ERBIN: variants seen among roughly 807,000 people sequenced by gnomAD.
The protein encoded by ERBIN is densin-180-like protein.
In ERBIN, 60 loss-of-function variants were observed where a neutral mutation model predicts 158.4. The ratio of observed to expected loss-of-function variants is 0.38; its 90% CI spans 0.31 to 0.47. The LOEUF is 0.47. Ranked by LOEUF, ERBIN falls within the 20% of genes least tolerant of loss-of-function variation. ERBIN has a pLI of 0.99. For missense variants in ERBIN, 1,610 were observed against 1,648.0 expected, an observed-to-expected ratio of 0.98 and a Z score of 0.40; for synonymous variants, 594 against 557.2, an observed-to-expected ratio of 1.07 and a Z score of -0.93.
At chr5:66,018,480 TTA>T (rs1561380285) in intron 7 of ERBIN, among the ~76,000 whole-genome samples, 1 of 5,498 alleles carries the variant, frequency 1.8e-4, no homozygotes, top group African/African-American at 8.1e-4. Context: ...ATATTATATA[TTA>T]TATATTATAT....
chr5:65,937,924 A>G (rs1284893536), intron 1 of ERBIN, among the ~76,000 whole-genome samples: 1 of 152,110 alleles, frequency 6.6e-6, no homozygotes, highest in African/African-American at 2.4e-5. Flanking sequence ...AATAATAATA[A>G]TAATTCTTGG....
At chr5:66,046,235 A>T in intron 17 of ERBIN, 118 bp from the exon 18 acceptor site, 1 of 519,436 alleles carries the variant, frequency 1.9e-6, no homozygotes, top group Non-Finnish European at 3.2e-6. Flanking sequence ...TAAAGTTTTC[A>T]TGTTTGAGAT....
At chr5:65,960,603 T>C (rs1169808351) in intron 1 of ERBIN, among the ~76,000 whole-genome samples, 2 of 152,186 alleles carry the variant, frequency 1.3e-5, no homozygotes, top group Non-Finnish European at 2.9e-5. Context: ...GAATCACTGA[T>C]TAGATGCTTT....
At chr5:65,993,296 C>A (rs1299349669) in intron 3 of ERBIN, among the ~76,000 whole-genome samples, 1 of 152,074 alleles carries the variant, frequency 6.6e-6, no homozygotes, top group East Asian at 1.9e-4. Context: ...GGCAATTGTC[C>A]TTTTACCATA....
chr5:65,929,927 A>T (rs1207217874), intron 1 of ERBIN, among the ~76,000 whole-genome samples: 2 of 152,174 alleles, frequency 1.3e-5, no homozygotes, highest in African/African-American at 4.8e-5. Flanking sequence ...GGTGTGAGCC[A>T]CTGAGCCCGG....
At chr5:66,021,511 GA>G in intron 8 of ERBIN, 126 bp downstream of exon 8, 1 of 589,750 alleles carries the variant, frequency 1.7e-6, no homozygotes, top group Admixed American at 3.9e-5. Context: ...TACAAGATAT[GA>G]AATTTCTTAG....
At chr5:65,944,450 A>T (rs142883046) in intron 1 of ERBIN, among the ~76,000 whole-genome samples, 31 of 152,024 alleles carry the variant, frequency 2.0e-4, no homozygotes, top group Non-Finnish European at 3.5e-4. Flanking sequence ...CACCCAGGCC[A>T]GAGTGCAGTG....
intron 1 of ERBIN, among the ~76,000 whole-genome samples, chr5:65,974,532 C>T: frequency 6.7e-6 from 1 of 150,318 alleles, no homozygotes; most frequent in East Asian, 1.9e-4. Flanking sequence ...ACCCTGTTAT[C>T]TTTAGGGATG....
At chr5:66,038,521 T>C in intron 15 of ERBIN, 39 bp downstream of exon 15, 2 of 1,464,752 alleles carry the variant, frequency 1.4e-6, no homozygotes, top group Non-Finnish European at 9.5e-7. Flanking sequence ...TAAAAACAAA[T>C]ACTAATTTAA....
chr5:65,978,798 A>G (rs1381795555), intron 1 of ERBIN, among the ~76,000 whole-genome samples: 1 of 152,184 alleles, frequency 6.6e-6, no homozygotes, highest in Non-Finnish European at 1.5e-5. Context: ...AAGTCGCAGG[A>G]GAGGAGAGGA....
intron 21 of ERBIN, among the ~76,000 whole-genome samples, chr5:66,060,018 G>C (rs566180805): frequency 2.4e-4 from 37 of 152,246 alleles, no homozygotes; most frequent in Admixed American, 7.9e-4. Context: ...TTGTGTCTCT[G>C]CCTGGCTTTC....
chr5:66,060,810 T>C (rs1760202573), intron 21 of ERBIN, among the ~76,000 whole-genome samples: 1 of 152,240 alleles, frequency 6.6e-6, no homozygotes, highest in Non-Finnish European at 1.5e-5. Flanking sequence ...CCAGTAGTCA[T>C]TCAGGAGCAG....
At chr5:66,028,137 C>A in intron 13 of ERBIN, 137 bp from the exon 14 acceptor site, 1 of 533,714 alleles carries the variant, frequency 1.9e-6, no homozygotes, top group Non-Finnish European at 3.3e-6. Flanking sequence ...TTATATTGGA[C>A]TTTTCTCGAT....
chr5:66,006,424 T>G (rs982212355), intron 4 of ERBIN, among the ~76,000 whole-genome samples: 1 of 152,126 alleles, frequency 6.6e-6, no homozygotes, highest in African/African-American at 2.4e-5. Flanking sequence ...ATGTTAGACC[T>G]AAAACCATAA....
chr5:66,004,680 T>C lies in ERBIN; in HGVS notation c.308-7369T>C, dbSNP rs149771734. On this transcript the variant is annotated intron_variant, in intron 4 of 25. Transcript: ENST00000284037. ...AGCCTTCCAAAGTGCTGGTATTACA[T>C]GCGTGAGCCACTGCACCCTGCCCCT... 2.3e-4 allele frequency among the ~76,000 whole-genome samples: 35 copies of C among 152,218 alleles called. 1 individual carries two copies. In the East Asian group the frequency reaches 6.8e-3, roughly 29 times the overall value.
intron 13 of ERBIN, among the ~76,000 whole-genome samples, chr5:66,027,737 TC>T (rs1001501388): frequency 5.3e-4 from 81 of 152,188 alleles, no homozygotes; most frequent in African/African-American, 1.7e-3. Flanking sequence ...GATTTTGGTA[TC>T]TGAGGGAGAT....
intron 1 of ERBIN, among the ~76,000 whole-genome samples, chr5:65,967,385 G>A (rs1748771300): frequency 6.6e-6 from 1 of 152,014 alleles, no homozygotes; most frequent in Non-Finnish European, 1.5e-5. Flanking sequence ...TTTATAATAG[G>A]TGTACTAGTT....
In ERBIN at chr5:66,034,363, C is replaced by T. The variant is rs185623015; in HGVS notation, c.1207-4020C>T. 2.1e-3 allele frequency among the ~76,000 whole-genome samples: 326 copies of T among 151,904 alleles called. 2 individuals carry two copies. Among genetic ancestry groups the T allele is most frequent in the African/African-American group, 7.7e-3 (320 of 41,428 alleles). On this transcript the variant is annotated intron_variant, in intron 14 of 25. Transcript: ENST00000284037. Reference sequence around the variant, plus strand: ...GGGGTGCAGTGGCTCCATCTTGGCTCTCTGCAACCTCTGCCTCCTGGGTCC... The same window carrying T: ...GGGGTGCAGTGGCTCCATCTTGGCTTTCTGCAACCTCTGCCTCCTGGGTCC...
intron 21 of ERBIN, among the ~76,000 whole-genome samples, chr5:66,071,955 T>C (rs1350318227): frequency 6.6e-6 from 1 of 152,162 alleles, no homozygotes; most frequent in African/African-American, 2.4e-5. Context: ...TGTTTTCATA[T>C]AAGCTTTTCA....
Sources: allele counts gnomAD v4.1 joint callset (sites outside exome capture counted in the v4.1 genomes callset), GRCh38; gene constraint gnomAD v4.1.1; transcripts MANE v1.5; gene names NCBI Gene and HGNC (gene_info 2026-07-23, HGNC 2026-07-21).